SLC12A1: variants seen among roughly 807,000 people sequenced by gnomAD.
SLC12A1 encodes Na-K-2Cl cotransporter.
A neutral mutation model predicts 130.4 loss-of-function variants in SLC12A1; 89 were observed. That is an observed-to-expected ratio of 0.68 (90% CI 0.58 to 0.81). The LOEUF (loss-of-function observed/expected upper bound fraction) is 0.81. Ranked by LOEUF, SLC12A1 falls within the 40% of genes least tolerant of loss-of-function variation. The probability of loss-of-function intolerance (pLI) is 0.00; values close to 1 mark genes in which losing one functional copy is unlikely to be tolerated. For synonymous variants in SLC12A1, 499 were observed against 460.0 expected (o/e 1.08, Z -1.09); for missense variants, 1,310 against 1,336.4 (o/e 0.98, Z 0.31).
chr15:48,267,818 G>A, intron 18 of SLC12A1, 117 bp downstream of exon 18: 1 of 1,067,332 alleles, frequency 9.4e-7, no homozygotes, highest in Admixed American at 2.1e-5. Context: ...GATCAGTGCA[G>A]ATGGTTAAGG....
At chr15:48,246,609 C>T (rs766528493) in intron 11 of SLC12A1, among the ~76,000 whole-genome samples, 17 of 152,048 alleles carry the variant, frequency 1.1e-4, no homozygotes, top group Admixed American at 4.6e-4. Flanking sequence ...GGTGAAACCC[C>T]GTCTCTACTA....
rs1157404103 is a variant in SLC12A1 at position 48,302,735 on chromosome 15, C to T, written c.3165-15C>T. 4 of 1,562,650 alleles carry T rather than the reference C, an allele frequency of 2.6e-6. No individual in the cohort carries two copies. In the South Asian group the frequency reaches 3.6e-5, roughly 14 times the overall value. On this transcript the variant is annotated splice_polypyrimidine_tract_variant and intron_variant, in intron 26 of 26. Transcript: ENST00000380993. ...TTTTCACTTTCATTTTTAAATTTTTCCTTCATGTCATTAGGAGCCTTCCCG... is the reference window on the plus strand; with the variant it reads ...TTTTCACTTTCATTTTTAAATTTTTTCTTCATGTCATTAGGAGCCTTCCCG...
Position 48,226,515 on chromosome 15 carries a change from C to A in SLC12A1, c.668C>A (p.Thr223Asn). ...VLIILLSTMV[T>N]SITGLSTSAI... ...ATAATTCTTCTTTCCACCATGGTAA[C>A]TTCTATTACTGGGTTGTCAACTTCT... The change falls in exon 5 of 27, where the codon ACT becomes AAT. Residue 223 changes from threonine (T) to asparagine (N), a missense_variant. Coordinates refer to ENST00000380993, the MANE Select transcript of SLC12A1 (RefSeq NM_000338.3). The A allele has an allele frequency of 6.2e-7, 1 of 1,607,430 alleles. No homozygotes were observed. The highest frequency in any genetic ancestry group is 8.5e-7 in the Non-Finnish European group (1 of 1,177,454).
chr15:48,255,019 T>C (rs541465512), intron 15 of SLC12A1, among the ~76,000 whole-genome samples: 7 of 152,304 alleles, frequency 4.6e-5, no homozygotes, highest in African/African-American at 1.7e-4. Flanking sequence ...CAAAGATCCA[T>C]CTAAAATGTT....
At position 48,249,589 on chromosome 15, in the gene SLC12A1, A is replaced by G. The variant is rs2041624395; in HGVS notation, c.1699A>G (p.Ile567Val). 6.2e-7 allele frequency: 1 copy of G among 1,613,690 alleles called. No homozygotes were observed. Among genetic ancestry groups the G allele is most frequent in the Non-Finnish European group, 8.5e-7 (1 of 1,179,668 alleles). Residue 567 changes from isoleucine (I) to valine (V), a missense_variant, in exon 14 of 27, where the codon ATT becomes GTT. Coordinates refer to ENST00000380993, the MANE Select transcript of SLC12A1 (RefSeq NM_000338.3). ...TACTTTTACAGCGGAACTGAACACC[A>G]TTGCTCCCATCATCTCCAACTTTTT... is the stretch of plus-strand genomic sequence containing the variant. ...AFILIAELNT[I>V]APIISNFFLA... is the part of the protein sequence containing the mutation.
chr15:48,236,092 AACACACACACACAC>A (rs56371843), intron 9 of SLC12A1, among the ~76,000 whole-genome samples: 39 of 145,796 alleles, frequency 2.7e-4, no homozygotes, highest in African/African-American at 5.1e-4. Flanking sequence ...AGCCATTTCT[AACACACACACACAC>A]ACACACACAC....
At chr15:48,237,005 G>C (rs1438544710) in intron 9 of SLC12A1, 6 of 702,634 alleles carry the variant, frequency 8.5e-6, no homozygotes, top group Non-Finnish European at 1.6e-5. Flanking sequence ...GAAACAAGGA[G>C]CTTCACCTCT....
rs1442023118 is a variant in SLC12A1 at position 48,220,978 on chromosome 15, G to A, written c.610G>A (p.Val204Ile). The A allele has an allele frequency of 1.2e-6, 2 of 1,613,942 alleles. No individual in the cohort carries two copies. The highest frequency in any genetic ancestry group is 1.7e-6 in the Non-Finnish European group (2 of 1,179,820). Residue 204 changes from valine (V) to isoleucine (I), a missense_variant, in exon 4 of 27, where the codon GTT becomes ATT. By Grantham distance (29) the Val-to-Ile change is conservative. Coordinates refer to ENST00000380993, the MANE Select transcript of SLC12A1 (RefSeq NM_000338.3). ...VMLFIRLSWIVGEAGIGLGVL... is the reference protein window; with the variant it reads ...VMLFIRLSWIIGEAGIGLGVL... ...GCTCTTCATTCGCCTCTCCTGGATT[G>A]TTGGAGAAGCTGGAATTGGTAAGCA...
In SLC12A1 at chr15:48,234,882, A is replaced by G. The variant is rs372579357; in HGVS notation, c.1093A>G (p.Ile365Val). The change falls in exon 9 of 27, where the codon ATA becomes GTA. Residue 365 changes from isoleucine (I) to valine (V), a missense_variant. By Grantham distance (29) the Ile-to-Val change is conservative. Coordinates refer to ENST00000380993, the MANE Select transcript of SLC12A1 (RefSeq NM_000338.3). ...TCTTATAATTTATGTTGCAGCATCA[A>G]TATTTGCAGAAAACTTTGGGCCACG... Reference protein sequence around the residue: ...SRGFFNYQASIFAENFGPRFT... With the variant: ...SRGFFNYQASVFAENFGPRFT... 7 of 1,613,808 alleles carry G rather than the reference A, an allele frequency of 4.3e-6. No homozygotes were observed. In the African/African-American group the frequency reaches 8.0e-5, roughly 18 times the overall value.
At chr15:48,214,949 C>T (rs1007267266) in intron 2 of SLC12A1, among the ~76,000 whole-genome samples, 2 of 151,082 alleles carry the variant, frequency 1.3e-5, no homozygotes, top group African/African-American at 2.4e-5. Context: ...AACTGTCTCT[C>T]GGTGGTGGTC....
At position 48,220,768 on chromosome 15, in the gene SLC12A1, G is replaced by C. The variant is rs752760758; in HGVS notation, c.552+3G>C. 6.2e-7 allele frequency: 1 copy of C among 1,613,916 alleles called. No individual in the cohort carries two copies. The highest frequency in any genetic ancestry group is 1.1e-5 in the South Asian group (1 of 91,038). ...TTGGATGGGTGAAAGGTGTGCTGGTGAGAAAGCTCTTCTGTTTACAAATGA... is the reference window on the plus strand; with the variant it reads ...TTGGATGGGTGAAAGGTGTGCTGGTCAGAAAGCTCTTCTGTTTACAAATGA... On this transcript the variant is annotated splice_donor_region_variant and intron_variant, in intron 3 of 26. Coordinates refer to ENST00000380993, the MANE Select transcript of SLC12A1 (RefSeq NM_000338.3).
chr15:48,280,482 C>T (rs748706812), intron 20 of SLC12A1, among the ~76,000 whole-genome samples: 36 of 152,144 alleles, frequency 2.4e-4, no homozygotes, highest in Non-Finnish European at 4.6e-4. Context: ...AGGTTATAAA[C>T]ATCTTGAAAA....
At chr15:48,276,841 C>T (rs1323842379) in intron 20 of SLC12A1, among the ~76,000 whole-genome samples, 2 of 152,084 alleles carry the variant, frequency 1.3e-5, no homozygotes, top group African/African-American at 4.8e-5. Flanking sequence ...GGTGAAGAAA[C>T]CAGAAGTCTG....
chr15:48,289,972 TAA>T (rs1361795398), intron 23 of SLC12A1, among the ~76,000 whole-genome samples: 2 of 152,214 alleles, frequency 1.3e-5, no homozygotes, highest in African/African-American at 4.8e-5. Flanking sequence ...TCTTCAATAA[TAA>T]ATTAACCTTA....
chr15:48,264,181 A>G (rs1203505766), intron 17 of SLC12A1, among the ~76,000 whole-genome samples: 1 of 152,210 alleles, frequency 6.6e-6, no homozygotes, highest in South Asian at 2.1e-4. Context: ...TTATTCATTA[A>G]TGTTACTTTA....
At chr15:48,271,044 T>G (rs1597444661) in intron 19 of SLC12A1, among the ~76,000 whole-genome samples, 1 of 150,938 alleles carries the variant, frequency 6.6e-6, no homozygotes, top group South Asian at 2.1e-4. Context: ...GCCAACATGG[T>G]GAAACCCCGT....
Position 48,251,783 on chromosome 15 carries a change from C to T in SLC12A1, c.1942+13C>T. On this transcript the variant is annotated intron_variant, in intron 15 of 26. Transcript: ENST00000380993. ...TGTAAGAAGCCAGGTAAGATAATGA[C>T]TGTCTGGAATAGCGTTTCCAAATCT... 7 of 1,612,044 alleles carry T rather than the reference C, an allele frequency of 4.3e-6. No homozygotes were observed. The highest frequency in any genetic ancestry group is 5.9e-6 in the Non-Finnish European group (7 of 1,178,434).
At chr15:48,241,629 T>G (rs772009129) in intron 10 of SLC12A1, 30 bp downstream of exon 10, 1 of 1,512,432 alleles carries the variant, frequency 6.6e-7, no homozygotes, top group Admixed American at 1.7e-5. Flanking sequence ...TGTCAGAATG[T>G]CAGAATTACG....
chr15:48,251,362 T>C (rs1258699072), intron 14 of SLC12A1, among the ~76,000 whole-genome samples: 6 of 151,888 alleles, frequency 4.0e-5, no homozygotes, highest in African/African-American at 1.4e-4. Flanking sequence ...GCACGGAGTA[T>C]GGAGGGTCCT....
Sources: allele counts gnomAD v4.1 joint callset (sites outside exome capture counted in the v4.1 genomes callset), GRCh38; gene constraint gnomAD v4.1.1; transcripts MANE v1.5; gene names NCBI Gene and HGNC (gene_info 2026-07-23, HGNC 2026-07-21).